Variants in TMC5 observed in about 807,000 individuals in gnomAD.
TMC5 encodes the protein transmembrane channel-like protein 5.
TMC5 carries 86 observed loss-of-function variants against 110.5 expected under a neutral mutation model. That is an observed-to-expected ratio of 0.78 (90% confidence interval 0.65 to 0.93). The LOEUF (loss-of-function observed/expected upper bound fraction) is 0.93, where lower values mean the gene tolerates loss of function less well. Among genes scored for constraint, TMC5 ranks in the 40% least tolerant of loss-of-function variants. TMC5 has a pLI of 0.00. For synonymous variants in TMC5, 455 were observed against 439.5 expected, an observed-to-expected ratio of 1.04 and a Z score of -0.44; for missense variants, 1,144 against 1,222.8, an observed-to-expected ratio of 0.94 and a Z score of 0.96.
At chr16:19,420,176 C>T (rs913678706) in intron 1 of TMC5, among the ~76,000 whole-genome samples, 1 of 151,980 alleles carries the variant, frequency 6.6e-6, no homozygotes, top group Non-Finnish European at 1.5e-5. Context: ...TCTGTAATCC[C>T]AGCACTTTGG....
At chr16:19,429,454 G>A (rs1967151162) in intron 1 of TMC5, among the ~76,000 whole-genome samples, 1 of 152,196 alleles carries the variant, frequency 6.6e-6, no homozygotes, top group Non-Finnish European at 1.5e-5. Context: ...GAGGCTGACA[G>A]CCAAAGTAAT....
chr16:19,466,545 T>A (rs1968195247), intron 9 of TMC5, among the ~76,000 whole-genome samples: 1 of 152,118 alleles, frequency 6.6e-6, no homozygotes, highest in African/African-American at 2.4e-5. Context: ...AGAGATGGGG[T>A]TTGACCATGT....
intron 12 of TMC5, among the ~76,000 whole-genome samples, chr16:19,474,541 T>A (rs1430842570): frequency 7.9e-5 from 12 of 152,042 alleles, no homozygotes; most frequent in Admixed American, 7.9e-4. Context: ...CTGGATGCAG[T>A]GGCATGCACC....
chr16:19,451,193 G>A (rs74013785), intron 5 of TMC5, among the ~76,000 whole-genome samples: 10,721 of 152,108 alleles, frequency 0.07, 769 homozygotes, highest in African/African-American at 0.19. Context: ...AGACTAGGGA[G>A]TGCTGGAGCC....
intron 12 of TMC5, among the ~76,000 whole-genome samples, chr16:19,475,157 C>T (rs565364187): frequency 3.3e-5 from 5 of 152,180 alleles, no homozygotes; most frequent in Non-Finnish European, 7.3e-5. Flanking sequence ...CATGGTGGCT[C>T]ATGCCTGTAA....
At chr16:19,433,001 A>G (rs1219124789) in intron 2 of TMC5, among the ~76,000 whole-genome samples, 2 of 152,174 alleles carry the variant, frequency 1.3e-5, no homozygotes, top group East Asian at 3.8e-4. Flanking sequence ...GTGTATATAC[A>G]TATAATATAC....
intron 6 of TMC5, among the ~76,000 whole-genome samples, chr16:19,460,880 G>T: frequency 6.6e-6 from 1 of 152,224 alleles, no homozygotes; most frequent in South Asian, 2.1e-4. Context: ...GACAGGCTGG[G>T]TGTGGTGGCT....
intron 6 of TMC5, among the ~76,000 whole-genome samples, chr16:19,461,129 C>T (rs1412422963): frequency 2.0e-5 from 3 of 152,154 alleles, no homozygotes; most frequent in South Asian, 2.1e-4. Context: ...GTAATAGTAA[C>T]GTACCAGTAC....
In TMC5 at chr16:19,448,532, T is replaced by C. The variant is rs112940690; in HGVS notation, c.959-1010T>C. ...TACTCAGGAGGCTGAGATGGAAGGATTGCTTGAGCCTGGGAGGTCAAAGCT... is the reference window on the plus strand; with the variant it reads ...TACTCAGGAGGCTGAGATGGAAGGACTGCTTGAGCCTGGGAGGTCAAAGCT... On this transcript the variant is annotated intron_variant, in intron 4 of 21. Transcript: ENST00000542583. 6.6e-3 allele frequency among the ~76,000 whole-genome samples: 1,001 copies of C among 151,816 alleles called. 11 individuals are homozygous for C. The highest frequency in any genetic ancestry group is 0.023 in the African/African-American group (934 of 41,376).
chr16:19,412,657 C>T (rs950493749), intron 1 of TMC5, among the ~76,000 whole-genome samples: 10 of 152,102 alleles, frequency 6.6e-5, no homozygotes, highest in African/African-American at 1.4e-4. Context: ...CGTGAGCCAC[C>T]GCACCCAGCC....
chr16:19,440,938 A>G, intron 3 of TMC5, 112 bp downstream of exon 3: 2 of 1,119,658 alleles, frequency 1.8e-6, no homozygotes, highest in Non-Finnish European at 2.6e-6. Context: ...GACGGTTTCT[A>G]TGACCTGAAG....
rs369800863 is a variant in TMC5, at chr16:19,474,325, A to T, written c.2090+49A>T. 185 of 1,583,414 alleles carry T rather than the reference A, an allele frequency of 1.2e-4. No individual in the cohort carries two copies. The African/African-American group carries it at 2.2e-3, about 18-fold the overall frequency. ...ACCAGCCTCTATTTCCACAGAGAGAAGTGGGATGGCAGCTAGAAAGGATTA... is the reference window on the plus strand; with the variant it reads ...ACCAGCCTCTATTTCCACAGAGAGATGTGGGATGGCAGCTAGAAAGGATTA... On this transcript the variant is annotated intron_variant, in intron 12 of 21. Transcript: ENST00000542583.
chr16:19,450,895 C>T (rs1302167129), intron 5 of TMC5, among the ~76,000 whole-genome samples: 1 of 152,136 alleles, frequency 6.6e-6, no homozygotes, highest in Non-Finnish European at 1.5e-5. Flanking sequence ...ATAGAAGGCG[C>T]TGCAATCAGT....
chr16:19,481,243 T>G (rs989072793), intron 14 of TMC5, 127 bp from the exon 15 acceptor site: 1 of 700,486 alleles, frequency 1.4e-6, no homozygotes, highest in Non-Finnish European at 2.5e-6. Context: ...TTTGAAAAAT[T>G]TTCAAGGGAA....
intron 20 of TMC5, 79 bp from the exon 21 acceptor site, chr16:19,497,042 A>G (rs1048176282): frequency 1.4e-6 from 2 of 1,471,294 alleles, no homozygotes; most frequent in Non-Finnish European, 1.9e-6. Context: ...GGGGCTCACA[A>G]ATTGTGCCAA....
intron 20 of TMC5, 116 bp from the exon 21 acceptor site, chr16:19,497,005 C>G: frequency 1.0e-6 from 1 of 958,688 alleles, no homozygotes; most frequent in Non-Finnish European, 1.6e-6. Flanking sequence ...CTTAATCTCT[C>G]ATCCCTTAAC....
intron 4 of TMC5, among the ~76,000 whole-genome samples, chr16:19,448,925 G>A (rs140304547): frequency 0.071 from 10,257 of 145,354 alleles, 758 homozygotes; most frequent in African/African-American, 0.19. Flanking sequence ...GCAGTGGCGC[G>A]ATCTCGGCTC....
At chr16:19,456,537 G>T (rs533765704) in intron 5 of TMC5, 3 of 1,414,150 alleles carry the variant, frequency 2.1e-6, no homozygotes, top group East Asian at 5.1e-5. Flanking sequence ...TTTGTGTAGG[G>T]GTGGCTTTGG....
At chr16:19,459,175 T>C (rs1967958746) in intron 5 of TMC5, among the ~76,000 whole-genome samples, 1 of 151,854 alleles carries the variant, frequency 6.6e-6, no homozygotes, top group South Asian at 2.1e-4. Context: ...GACAGGACCG[T>C]GAGGATTGGT....
Sources: gnomAD v4.1 joint callset for allele counts (sites outside exome capture counted in the v4.1 genomes callset) on GRCh38, gnomAD v4.1.1 for gene constraint, MANE v1.5 for transcripts, NCBI Gene and HGNC (gene_info 2026-07-23, HGNC 2026-07-21) for gene names.